CSMD1: variants seen among roughly 807,000 people sequenced by gnomAD.
The protein encoded by CSMD1 is CUB and Sushi multiple domains 1, also known as CUB and sushi domain-containing protein 1.
Under a neutral mutation model 417.5 loss-of-function variants are expected in CSMD1, and 213 were observed. That is an observed-to-expected ratio of 0.51 (90% confidence interval 0.46 to 0.57). The LOEUF is 0.57. CSMD1 is among the 20% of genes least tolerant of loss of function. The pLI, the probability that CSMD1 is intolerant of heterozygous loss-of-function variation, is 0.00. For missense variants in CSMD1, 6,923 were observed against 4,529.7 expected, an observed-to-expected ratio of 1.53 and a Z score of -15.17; for synonymous variants, 2,862 against 1,736.8, an observed-to-expected ratio of 1.65 and a Z score of -16.11.
chr8:4,175,484 T>C (rs1797990963), intron 3 of CSMD1, among the ~76,000 whole-genome samples: 1 of 152,174 alleles, frequency 6.6e-6, no homozygotes. Context: ...ATTGTAAATA[T>C]ATTTTCTTAA....
intron 49 of CSMD1, among the ~76,000 whole-genome samples, chr8:3,057,886 C>T (rs764685843): frequency 9.2e-5 from 14 of 152,272 alleles, no homozygotes; most frequent in South Asian, 6.2e-4. Flanking sequence ...TTATTTCCCG[C>T]GACACTGAAC....
intron 30 of CSMD1, among the ~76,000 whole-genome samples, chr8:3,209,086 G>C (rs17319422): frequency 0.2 from 29,910 of 152,010 alleles, 3,013 homozygotes; most frequent in South Asian, 0.3. Context: ...TGATAGTAGA[G>C]GACATTTTTG....
intron 26 of CSMD1, among the ~76,000 whole-genome samples, chr8:3,281,663 A>C (rs1176433879): frequency 6.6e-6 from 1 of 152,202 alleles, no homozygotes. Context: ...AGTGATTGCT[A>C]GGAATTAGGA....
chr8:4,943,435 G>A (rs555147257), intron 1 of CSMD1, among the ~76,000 whole-genome samples: 243 of 151,936 alleles, frequency 1.6e-3, no homozygotes, highest in African/African-American at 5.7e-3. Flanking sequence ...GGCGGAGCTT[G>A]CAGTGAGCTG....
intron 7 of CSMD1, among the ~76,000 whole-genome samples, chr8:3,703,946 C>CT (rs1554516777): frequency 6.6e-6 from 1 of 152,032 alleles, no homozygotes; most frequent in Non-Finnish European, 1.5e-5. Flanking sequence ...TGGCACACAC[C>CT]TGTACTCCCT....
intron 2 of CSMD1, among the ~76,000 whole-genome samples, chr8:4,452,727 A>G (rs1361045170): frequency 2.0e-5 from 3 of 152,180 alleles, no homozygotes; most frequent in Non-Finnish European, 4.4e-5. Flanking sequence ...CAACACGGAC[A>G]CAGACACAGG....
chr8:3,845,186 G>A (rs138409975), intron 5 of CSMD1, among the ~76,000 whole-genome samples: 184 of 152,316 alleles, frequency 1.2e-3, no homozygotes, highest in African/African-American at 3.9e-3. Flanking sequence ...AACACATACC[G>A]TTAGGAAAAT....
intron 41 of CSMD1, among the ~76,000 whole-genome samples, chr8:3,121,742 T>C (rs75152110): frequency 0.045 from 6,791 of 152,168 alleles, 428 homozygotes; most frequent in African/African-American, 0.14. Flanking sequence ...AATGCTGCAG[T>C]GAGCTATGAT....
intron 7 of CSMD1, among the ~76,000 whole-genome samples, chr8:3,698,488 A>C (rs1800678026): frequency 6.6e-6 from 1 of 152,248 alleles, no homozygotes; most frequent in Non-Finnish European, 1.5e-5. Flanking sequence ...CTTTAAAGCA[A>C]GACCTACAGC....
intron 40 of CSMD1, among the ~76,000 whole-genome samples, chr8:3,144,988 C>G (rs569335689): frequency 3.0e-4 from 46 of 151,986 alleles, no homozygotes; most frequent in African/African-American, 1.1e-3. Flanking sequence ...GGCGGTATGC[C>G]CACAAATCTA....
chr8:3,776,804 C>T (rs77852579), intron 5 of CSMD1, among the ~76,000 whole-genome samples: 32,607 of 140,180 alleles, frequency 0.23, 4,581 homozygotes, highest in African/African-American at 0.36. Flanking sequence ...GACATATAGA[C>T]GAGATATATA....
chr8:2,999,054 G>A (rs184311987), intron 53 of CSMD1, among the ~76,000 whole-genome samples: 1 of 151,642 alleles, frequency 6.6e-6, no homozygotes, highest in Non-Finnish European at 1.5e-5. Context: ...AGAGTACATT[G>A]TTCGAAAAAT....
At chr8:4,633,948 A>G (rs1332025726) in intron 2 of CSMD1, among the ~76,000 whole-genome samples, 1 of 151,874 alleles carries the variant, frequency 6.6e-6, no homozygotes, top group Non-Finnish European at 1.5e-5. Flanking sequence ...GGAAATGCAG[A>G]GTCAATAAAG....
intron 2 of CSMD1, among the ~76,000 whole-genome samples, chr8:4,519,295 G>C (rs1284563245): frequency 1.3e-5 from 2 of 151,874 alleles, no homozygotes; most frequent in Admixed American, 6.6e-5. Context: ...CTTTTAAATG[G>C]AAGAGTACCT....
chr8:3,817,098 G>C (rs1212948041), intron 5 of CSMD1, among the ~76,000 whole-genome samples: 2 of 151,966 alleles, frequency 1.3e-5, no homozygotes, highest in African/African-American at 2.4e-5. Flanking sequence ...CTCTGGGAAA[G>C]AGAAATGAAG....
chr8:3,821,511 G>T (rs1022458601), intron 5 of CSMD1, among the ~76,000 whole-genome samples: 1 of 99,248 alleles, frequency 1.0e-5, no homozygotes, highest in African/African-American at 3.2e-5. Context: ...AGCTGGGTGC[G>T]GTGGCTCACG....
chr8:4,826,948 G>T (rs573291222), intron 1 of CSMD1, among the ~76,000 whole-genome samples: 6 of 152,146 alleles, frequency 3.9e-5, no homozygotes, highest in Non-Finnish European at 8.8e-5. Context: ...ACCCTTGAGT[G>T]TAAGTTTGTG....
At chr8:4,247,530 G>C (rs753823830) in intron 3 of CSMD1, among the ~76,000 whole-genome samples, 1 of 151,976 alleles carries the variant, frequency 6.6e-6, no homozygotes, top group Non-Finnish European at 1.5e-5. Flanking sequence ...TTTCTTATTA[G>C]TACCCGAAGA....
intron 1 of CSMD1, among the ~76,000 whole-genome samples, chr8:4,819,485 T>C (rs1466333633): frequency 6.6e-6 from 1 of 152,194 alleles, no homozygotes; most frequent in Admixed American, 6.5e-5. Context: ...ACATAATACA[T>C]ATATGCTATA....
Sources: gnomAD v4.1 joint callset for allele counts (sites outside exome capture counted in the v4.1 genomes callset) on GRCh38, gnomAD v4.1.1 for gene constraint, MANE v1.5 for transcripts, NCBI Gene and HGNC (gene_info 2026-07-23, HGNC 2026-07-21) for gene names.